Variants in MAPK10 observed in about 807,000 individuals in gnomAD.
The protein encoded by MAPK10 is mitogen-activated protein kinase 10.
A neutral mutation model predicts 59.3 loss-of-function variants in MAPK10; 25 were observed. The observed-to-expected ratio is 0.42, with a 90% CI of 0.31 to 0.59. MAPK10 has a LOEUF of 0.59. Among genes scored for constraint, MAPK10 ranks in the 20% least tolerant of loss-of-function variants. MAPK10 has a pLI of 0.15. For synonymous variants in MAPK10, 190 were observed against 200.5 expected (o/e 0.95, Z 0.44); for missense variants, 351 against 568.9 (o/e 0.62, Z 3.90).
intron 1 of MAPK10, among the ~76,000 whole-genome samples, chr4:86,436,481 G>A (rs1564864682): frequency 6.6e-6 from 1 of 152,038 alleles, no homozygotes; most frequent in Non-Finnish European, 1.5e-5. Flanking sequence ...GCAATCGATG[G>A]TCATTTAGTA....
At chr4:86,211,618 T>C (rs2904090) in intron 2 of MAPK10, among the ~76,000 whole-genome samples, 20,180 of 152,010 alleles carry the variant, frequency 0.13, 1,337 homozygotes, top group Middle Eastern at 0.16. Flanking sequence ...CTCAAAACTA[T>C]ATGAGGAAGT....
At chr4:86,238,479 G>C (rs2092456812) in intron 2 of MAPK10, among the ~76,000 whole-genome samples, 1 of 152,122 alleles carries the variant, frequency 6.6e-6, no homozygotes, top group African/African-American at 2.4e-5. Context: ...CTTTCCATGA[G>C]GATGGAATGT....
At chr4:86,485,711 T>C (rs1279632997) in intron 1 of MAPK10, among the ~76,000 whole-genome samples, 1 of 152,326 alleles carries the variant, frequency 6.6e-6, no homozygotes, top group East Asian at 1.9e-4. Context: ...CTCAACTCCA[T>C]TGACTGTATT....
chr4:86,065,544 A>G (rs1448354668), intron 10 of MAPK10: 1 of 152,202 alleles, frequency 6.6e-6, no homozygotes, highest in Admixed American at 6.5e-5. Context: ...TAAATTTTTT[A>G]AATTATTATA....
intron 2 of MAPK10, among the ~76,000 whole-genome samples, chr4:86,266,818 A>G (rs1378087682): frequency 6.6e-6 from 1 of 152,130 alleles, no homozygotes; most frequent in East Asian, 1.9e-4. Context: ...AGACCTAGGC[A>G]GTATAAGATA....
At position 86,072,833 on chromosome 4, in the gene MAPK10, A is replaced by G. The variant is rs1224840067; in HGVS notation, c.803-4878T>C. Among the ~76,000 whole-genome samples, 7 of 91,140 alleles carry G rather than the reference A, an allele frequency of 7.7e-5. 1 individual carries two copies. The highest frequency in any genetic ancestry group is 3.0e-4 in the South Asian group (1 of 3,378). The allele number at this position is 91,140 out of a possible 152,430, so 59.8% of individuals were successfully genotyped here. ...AGGATTTTTGCATCGATGTTCATCG[A>G]GGATATTGGTCTAAAATTCTCTTTT... On this transcript the variant is annotated intron_variant, in intron 9 of 13. Coordinates refer to ENST00000641462, the MANE Select transcript of MAPK10 (RefSeq NM_138982.4).
chr4:86,251,268 G>A (rs12500319), intron 2 of MAPK10, among the ~76,000 whole-genome samples: 49,439 of 151,372 alleles, frequency 0.33, 10,943 homozygotes, highest in African/African-American at 0.63. Context: ...CTGGTGCGCT[G>A]CACCCACTAA....
At chr4:86,449,362 C>T (rs1489294126) in intron 1 of MAPK10, among the ~76,000 whole-genome samples, 14 of 152,156 alleles carry the variant, frequency 9.2e-5, no homozygotes, top group Admixed American at 7.9e-4. Flanking sequence ...ACATTTACCT[C>T]GCATTTATTT....
chr4:86,244,174 A>ATTC (rs2092929120), intron 2 of MAPK10, among the ~76,000 whole-genome samples: 1 of 152,228 alleles, frequency 6.6e-6, no homozygotes, highest in South Asian at 2.1e-4. Context: ...TAGCTCTTAG[A>ATTC]TTACAACTGA....
intron 4 of MAPK10, among the ~76,000 whole-genome samples, chr4:86,112,412 T>A (rs1561848010): frequency 1.3e-5 from 2 of 152,298 alleles, no homozygotes; most frequent in Non-Finnish European, 2.9e-5. Flanking sequence ...TGGTATGTTG[T>A]CTCTTTGTTC....
chr4:86,540,547 A>T (rs552052243), intron 1 of MAPK10, among the ~76,000 whole-genome samples: 3 of 152,302 alleles, frequency 2.0e-5, no homozygotes, highest in Admixed American at 6.5e-5. Flanking sequence ...TTTTCTTTTG[A>T]ATTAATAAAA....
chr4:86,511,814 CAAGGAAGGAAGGAAAG>C (rs1416159233), intron 1 of MAPK10, among the ~76,000 whole-genome samples: 2 of 124,260 alleles, frequency 1.6e-5, no homozygotes, highest in Admixed American at 9.6e-5. Context: ...AGGAAGGAAA[CAAGGAAGGAAGGAAAG>C]AAGGAAGGAA....
chr4:86,461,703 G>A (rs1442417093), intron 1 of MAPK10, among the ~76,000 whole-genome samples: 1 of 152,190 alleles, frequency 6.6e-6, no homozygotes, highest in East Asian at 1.9e-4. Flanking sequence ...AGCGGCAAAG[G>A]AGGAAGAGGT....
chr4:86,474,471 T>C (rs1752906316), intron 1 of MAPK10, among the ~76,000 whole-genome samples: 2 of 152,210 alleles, frequency 1.3e-5, no homozygotes, highest in Non-Finnish European at 1.5e-5. Context: ...GACTTATCCA[T>C]TGTCCTCCAA....
intron 1 of MAPK10, among the ~76,000 whole-genome samples, chr4:86,518,486 T>G (rs1237027662): frequency 6.6e-6 from 1 of 152,224 alleles, no homozygotes; most frequent in Non-Finnish European, 1.5e-5. Flanking sequence ...CTAATTCAAT[T>G]TATTTGGATC....
intron 2 of MAPK10, chr4:86,277,258 A>G (rs2094610327): frequency 6.6e-6 from 1 of 152,068 alleles, no homozygotes; most frequent in Non-Finnish European, 1.5e-5. Context: ...AGTGTCTACA[A>G]AAGCATTTAA....
At chr4:86,348,824 T>C (rs1729635220) in intron 2 of MAPK10, among the ~76,000 whole-genome samples, 1 of 152,154 alleles carries the variant, frequency 6.6e-6, no homozygotes, top group Non-Finnish European at 1.5e-5. Context: ...TTGCACTCTC[T>C]TTCACTCTCT....
intron 1 of MAPK10, among the ~76,000 whole-genome samples, chr4:86,576,880 C>T (rs1373725718): frequency 6.6e-6 from 1 of 151,996 alleles, no homozygotes; most frequent in Non-Finnish European, 1.5e-5. Context: ...TGAGGGAAAA[C>T]AATTTACATT....
rs768790613 is a variant in MAPK10 at position 86,376,406 on chromosome 4, T to A, written c.-121-21762A>T. On this transcript the variant is annotated intron_variant, in intron 1 of 13. Transcript: ENST00000361569. Reference sequence around the variant, plus strand: ...GACTAAGTAAACACTGTAAAACCCATAAAAAGTTTCCTAAAATCTGGAGAC... The same window carrying A: ...GACTAAGTAAACACTGTAAAACCCAAAAAAAGTTTCCTAAAATCTGGAGAC... Among the ~76,000 whole-genome samples, 255 of 152,224 alleles carry A rather than the reference T, an allele frequency of 1.7e-3. 3 individuals are homozygous for A. The highest frequency in any genetic ancestry group is 1.2e-3 in the East Asian group (6 of 5,180).
Sources: allele counts gnomAD v4.1 joint callset (sites outside exome capture counted in the v4.1 genomes callset), GRCh38; gene constraint gnomAD v4.1.1; transcripts MANE v1.5; gene names NCBI Gene and HGNC (gene_info 2026-07-23, HGNC 2026-07-21).